KCNN2: variants seen among roughly 807,000 people sequenced by gnomAD.
The protein encoded by KCNN2 is small conductance calcium-activated potassium channel protein 2.
In KCNN2, 24 loss-of-function variants were observed where a neutral mutation model predicts 55.5. The observed-to-expected ratio is 0.43, with a 90% confidence interval of 0.31 to 0.61. The LOEUF is 0.61. Among genes scored for constraint, KCNN2 ranks in the 20% least tolerant of loss-of-function variants. The pLI, the probability that KCNN2 is intolerant of heterozygous loss-of-function variation, is 0.08. For synonymous variants in KCNN2, 431 were observed against 336.1 expected (o/e 1.28, Z -3.09); for missense variants, 754 against 853.6 (o/e 0.88, Z 1.45).
At chr5:114,197,816 G>C (rs1000343552) in intron 1 of KCNN2, among the ~76,000 whole-genome samples, 10 of 152,102 alleles carry the variant, frequency 6.6e-5, no homozygotes, top group African/African-American at 1.4e-4. Context: ...AGCTTCCCAG[G>C]AACTGGGAAG....
intron 1 of KCNN2, among the ~76,000 whole-genome samples, chr5:114,184,792 A>C (rs1753299733): frequency 6.6e-6 from 1 of 152,170 alleles, no homozygotes; most frequent in African/African-American, 2.4e-5. Context: ...CTTACCATGT[A>C]AACAATATTT....
At chr5:114,352,138 A>G (rs1757216428) in intron 2 of KCNN2, among the ~76,000 whole-genome samples, 2 of 151,796 alleles carry the variant, frequency 1.3e-5, no homozygotes. Context: ...TTTCTACTTA[A>G]TCACGGTCAG....
At chr5:114,142,760 G>T (rs1752312358) in intron 1 of KCNN2, among the ~76,000 whole-genome samples, 1 of 152,180 alleles carries the variant, frequency 6.6e-6, no homozygotes, top group South Asian at 2.1e-4. Context: ...TACATAGGAA[G>T]AATCAATATC....
chr5:114,427,990 C>T (rs927178911), intron 3 of KCNN2, among the ~76,000 whole-genome samples: 6 of 152,010 alleles, frequency 3.9e-5, no homozygotes, highest in Non-Finnish European at 5.9e-5. Flanking sequence ...TAGGAAAGGG[C>T]GTTATATGTA....
At chr5:114,161,847 C>T (rs966113518) in intron 1 of KCNN2, among the ~76,000 whole-genome samples, 2 of 152,188 alleles carry the variant, frequency 1.3e-5, no homozygotes, top group Admixed American at 1.3e-4. Flanking sequence ...TGGTTTTCAG[C>T]TCCATCAGGT....
intron 5 of KCNN2, among the ~76,000 whole-genome samples, chr5:114,485,506 G>C (rs1463282250): frequency 6.6e-6 from 1 of 152,126 alleles, no homozygotes; most frequent in Non-Finnish European, 1.5e-5. Flanking sequence ...GATGAAAAAA[G>C]CTTCTGAAAG....
intron 2 of KCNN2, among the ~76,000 whole-genome samples, chr5:114,233,899 G>C (rs1754416300): frequency 6.6e-6 from 1 of 151,742 alleles, no homozygotes; most frequent in African/African-American, 2.4e-5. Context: ...TTTTAGTTTT[G>C]TCCCATTCTT....
intron 2 of KCNN2, among the ~76,000 whole-genome samples, chr5:114,329,821 T>C (rs189277243): frequency 7.4e-4 from 112 of 152,324 alleles, no homozygotes; most frequent in African/African-American, 2.5e-3. Flanking sequence ...AATCTGTTCT[T>C]CTTCCTCAGC....
rs183742216 is a variant in KCNN2, at chr5:114,272,531, A to G, written c.-185+50966A>G. Among the ~76,000 whole-genome samples the G allele has an allele frequency of 1.6e-3, 240 of 152,204 alleles. 1 individual carries two copies. Among genetic ancestry groups the G allele is most frequent in the African/African-American group, 5.6e-3 (233 of 41,548 alleles). ...GTATGTACACACACAAACTCACACA[A>G]TTTGTATAGGTAATTTTGAAAGGGC... On this transcript the variant is annotated intron_variant, in intron 2 of 10. Transcript: ENST00000512097.
intron 1 of KCNN2, among the ~76,000 whole-genome samples, chr5:114,069,701 CA>C (rs1750527247): frequency 6.6e-6 from 1 of 152,180 alleles, no homozygotes; most frequent in African/African-American, 2.4e-5. Flanking sequence ...CCTGCCTCTA[CA>C]GGTCTTAAAA....
chr5:114,262,678 AACTTAT>A (rs1755132081), intron 2 of KCNN2, among the ~76,000 whole-genome samples: 1 of 152,212 alleles, frequency 6.6e-6, no homozygotes, highest in African/African-American at 2.4e-5. Context: ...TAGCAGGTGA[AACTTAT>A]GTTTTTAAAA....
chr5:114,126,709 C>T (rs1751939397), intron 1 of KCNN2, among the ~76,000 whole-genome samples: 1 of 152,106 alleles, frequency 6.6e-6, no homozygotes, highest in African/African-American at 2.4e-5. Flanking sequence ...CTCATTCCCC[C>T]AAAGCCTTAA....
At chr5:114,491,427 A>G (rs1285610038) in intron 6 of KCNN2, among the ~76,000 whole-genome samples, 2 of 151,786 alleles carry the variant, frequency 1.3e-5, no homozygotes, top group Non-Finnish European at 2.9e-5. Flanking sequence ...GGTAATCGTC[A>G]ATTGATAGTT....
intron 1 of KCNN2, among the ~76,000 whole-genome samples, chr5:114,166,110 T>A (rs2112537568): frequency 6.6e-6 from 1 of 152,226 alleles, no homozygotes; most frequent in Non-Finnish European, 1.5e-5. Context: ...TAGGATGGTC[T>A]CAATGTCCTG....
chr5:114,163,863 A>G (rs971572538), intron 1 of KCNN2, among the ~76,000 whole-genome samples: 1 of 152,250 alleles, frequency 6.6e-6, no homozygotes, highest in Non-Finnish European at 1.5e-5. Flanking sequence ...GCTGTTATTA[A>G]TGAAATGGTT....
intron 1 of KCNN2, among the ~76,000 whole-genome samples, chr5:114,085,354 C>A (rs780139403): frequency 6.6e-6 from 1 of 151,878 alleles, no homozygotes; most frequent in East Asian, 1.9e-4. Context: ...TAATTTATAT[C>A]TTTAATTGCT....
At chr5:114,313,423 G>A (rs1311178382) in intron 2 of KCNN2, among the ~76,000 whole-genome samples, 1 of 152,092 alleles carries the variant, frequency 6.6e-6, no homozygotes, top group East Asian at 1.9e-4. Flanking sequence ...AACAAAGCCA[G>A]CAACTAAAAT....
At chr5:114,101,414 CT>C (rs10545440) in intron 1 of KCNN2, among the ~76,000 whole-genome samples, 12,803 of 130,192 alleles carry the variant, frequency 0.098, 601 homozygotes, top group East Asian at 0.27. Flanking sequence ...CTATGGTTTT[CT>C]TTTTTTTTTT....
At chr5:114,189,009 A>T (rs577510741) in intron 1 of KCNN2, among the ~76,000 whole-genome samples, 1 of 152,254 alleles carries the variant, frequency 6.6e-6, no homozygotes, top group Admixed American at 6.5e-5. Flanking sequence ...GCAAGGAAAA[A>T]CTTGCTCTAT....
Sources: allele counts gnomAD v4.1 joint callset (sites outside exome capture counted in the v4.1 genomes callset), GRCh38; gene constraint gnomAD v4.1.1; transcripts MANE v1.5; gene names NCBI Gene and HGNC (gene_info 2026-07-23, HGNC 2026-07-21).